The following DLGAP4 variants were observed in gnomAD, a reference collection of about 807,000 sequenced individuals.
DLGAP4 encodes the protein DLG associated protein 4, also known as disks large-associated protein 4.
DLGAP4 carries 18 observed loss-of-function variants against 86.9 expected under a neutral mutation model. The observed-to-expected ratio is 0.21, with a 90% CI of 0.14 to 0.31. The LOEUF is 0.31. Ranked by LOEUF, DLGAP4 falls within the 10% of genes least tolerant of loss-of-function variation. DLGAP4 has a pLI of 1.00. For missense variants in DLGAP4, 1,085 were observed against 1,362.6 expected (o/e 0.80, Z 3.21); for synonymous variants, 548 against 574.3 (o/e 0.95, Z 0.65).
chr20:36,356,297 T>TTTTG (rs140426624), intron 1 of DLGAP4, among the ~76,000 whole-genome samples: 6,132 of 151,990 alleles, frequency 0.04, 313 homozygotes, highest in African/African-American at 0.12. Context: ...GTTTCATTGT[T>TTTTG]TTTGTTTGTT....
At chr20:36,444,156 GA>G (rs2033528459) in intron 6 of DLGAP4, among the ~76,000 whole-genome samples, 1 of 152,160 alleles carries the variant, frequency 6.6e-6, no homozygotes, top group South Asian at 2.1e-4. Context: ...CCTTCTGAGT[GA>G]ATTTTGGATA....
At chr20:36,401,696 A>G (rs906429767) in intron 2 of DLGAP4, among the ~76,000 whole-genome samples, 10 of 152,214 alleles carry the variant, frequency 6.6e-5, no homozygotes, top group African/African-American at 2.4e-4. Context: ...CAATCTGGGA[A>G]GAGGGCAGCA....
At chr20:36,427,868 A>C (rs534440101) in intron 2 of DLGAP4, among the ~76,000 whole-genome samples, 1 of 150,730 alleles carries the variant, frequency 6.6e-6, no homozygotes, top group South Asian at 2.1e-4. Flanking sequence ...GCTGGAACCC[A>C]GGAGGCAGAG....
chr20:36,447,788 T>C (rs557995252), intron 7 of DLGAP4, among the ~76,000 whole-genome samples: 49 of 149,706 alleles, frequency 3.3e-4, no homozygotes, highest in African/African-American at 1.2e-3. Flanking sequence ...GGACCCTGTA[T>C]AACTGAGCAA....
At chr20:36,330,680 C>A (rs1555891443) in intron 1 of DLGAP4, among the ~76,000 whole-genome samples, 1 of 151,166 alleles carries the variant, frequency 6.6e-6, no homozygotes, top group Admixed American at 6.6e-5. Flanking sequence ...TCAAGCAATT[C>A]TCCTGCCTCA....
At chr20:36,373,449 T>C (rs2147427936) in intron 2 of DLGAP4, among the ~76,000 whole-genome samples, 1 of 152,334 alleles carries the variant, frequency 6.6e-6, no homozygotes, top group East Asian at 1.9e-4. Flanking sequence ...TTTGTCAAAT[T>C]TGTGGGATGT....
At position 36,436,159 on chromosome 20, in the gene DLGAP4, G is replaced by A; in HGVS notation, c.1050G>A (p.Glu350=). 6.3e-7 allele frequency: 1 copy of A among 1,596,352 alleles called. No individual in the cohort carries two copies. Among genetic ancestry groups the A allele is most frequent in the Non-Finnish European group, 8.5e-7 (1 of 1,177,122 alleles). Residue 350 remains glutamate (E), a synonymous_variant, in exon 4 of 13, where the codon GAG becomes GAA. Coordinates refer to ENST00000339266, the MANE Select transcript of DLGAP4 (RefSeq NM_001365621.2). The stretch of plus-strand genomic sequence containing the variant: ...GCACCACGCTGCTGTCCCCACGCGA[G>A]ACGGATGCCGCGGCCGAGGGCCCTA... ...EWSTTLLSPR[E]TDAAAEGPIP...
At chr20:36,410,305 G>A (rs2032462152) in intron 2 of DLGAP4, among the ~76,000 whole-genome samples, 1 of 152,154 alleles carries the variant, frequency 6.6e-6, no homozygotes, top group African/African-American at 2.4e-5. Flanking sequence ...GCACTGGGAG[G>A]GTGGAAGTGC....
chr20:36,315,650 AG>A (rs1467485045), intron 1 of DLGAP4, among the ~76,000 whole-genome samples: 2 of 152,130 alleles, frequency 1.3e-5, no homozygotes, highest in Non-Finnish European at 2.9e-5. Flanking sequence ...GAGGCCCTGC[AG>A]CAAGTAAGAG....
intron 2 of DLGAP4, among the ~76,000 whole-genome samples, chr20:36,424,174 G>C (rs764079933): frequency 3.3e-5 from 5 of 152,176 alleles, no homozygotes; most frequent in Non-Finnish European, 7.3e-5. Flanking sequence ...GACAGGTGAA[G>C]GGGACAGGAT....
In DLGAP4 at chr20:36,500,188, C is replaced by T. The variant is rs1379193902; in HGVS notation, c.2100-11C>T. 1.3e-6 allele frequency: 2 copies of T among 1,523,534 alleles called. No homozygotes were observed. Among genetic ancestry groups the T allele is most frequent in the Admixed American group, 4.2e-5 (2 of 47,932 alleles). The allele number at this position is 1,523,534 out of a possible 1,614,324, so 94.4% of individuals were successfully genotyped here. The stretch of plus-strand genomic sequence containing the variant: ...CTTCCTGTCCCCACCCCATCCACCC[C>T]CTACCCACAGAAGCAGCGTCCCCTC... On this transcript the variant is annotated splice_polypyrimidine_tract_variant and intron_variant, in intron 9 of 12. Transcript: ENST00000339266. The surrounding 1 kb of genome is among the most constrained non-coding windows in gnomAD (Gnocchi z 4.6).
At chr20:36,437,577 G>A (rs1448184707) in intron 4 of DLGAP4, among the ~76,000 whole-genome samples, 3 of 152,174 alleles carry the variant, frequency 2.0e-5, no homozygotes, top group African/African-American at 7.2e-5. Flanking sequence ...GACTTTTCCT[G>A]TCCCAGTGCC....
rs1192296548 is a variant in DLGAP4, at chr20:36,388,468, A to T, written c.-73+21193A>T. Among the ~76,000 whole-genome samples, 3 of 152,076 alleles carry T rather than the reference A, an allele frequency of 2.0e-5. No homozygotes were observed. The East Asian group carries it at 5.8e-4, about 29-fold the overall frequency. On this transcript the variant is annotated intron_variant, in intron 2 of 12. Coordinates refer to ENST00000339266, the MANE Select transcript of DLGAP4 (RefSeq NM_001365621.2). Reference sequence around the variant, plus strand: ...GTGGCCCACCCTTCATTGACCTCAGAGAGCAGACATTTCCCCTCCACCTCA... The same window carrying T: ...GTGGCCCACCCTTCATTGACCTCAGTGAGCAGACATTTCCCCTCCACCTCA...
intron 1 of DLGAP4, among the ~76,000 whole-genome samples, chr20:36,322,057 G>C (rs908747443): frequency 4.6e-5 from 7 of 152,214 alleles, no homozygotes; most frequent in African/African-American, 2.4e-5. Context: ...AGGTAAAACA[G>C]TGATGAGGCC....
chr20:36,336,284 C>G (rs1216142230), intron 1 of DLGAP4, among the ~76,000 whole-genome samples: 1 of 152,188 alleles, frequency 6.6e-6, no homozygotes, highest in African/African-American at 2.4e-5. Context: ...GATTTCCTCC[C>G]CTGACCAATA....
At chr20:36,354,072 G>A (rs2030248328) in intron 1 of DLGAP4, among the ~76,000 whole-genome samples, 1 of 152,234 alleles carries the variant, frequency 6.6e-6, no homozygotes, top group Non-Finnish European at 1.5e-5. Context: ...ATGGCCGTAG[G>A]AAGGACAGAG....
At chr20:36,494,440 TA>T (rs1304639172) in intron 7 of DLGAP4, among the ~76,000 whole-genome samples, 1 of 152,244 alleles carries the variant, frequency 6.6e-6, no homozygotes, top group East Asian at 1.9e-4. Context: ...TATTTTTAGA[TA>T]ATTGTAGATT....
intron 2 of DLGAP4, among the ~76,000 whole-genome samples, chr20:36,420,964 A>T (rs1315982837): frequency 6.6e-6 from 1 of 151,560 alleles, no homozygotes; most frequent in Non-Finnish European, 1.5e-5. Flanking sequence ...CAAGAGCGAA[A>T]ACTCTGTCTC....
intron 5 of DLGAP4, among the ~76,000 whole-genome samples, chr20:36,440,113 C>A (rs1258832824): frequency 6.6e-6 from 1 of 152,182 alleles, no homozygotes; most frequent in Admixed American, 6.5e-5. Flanking sequence ...ACACAGGCTG[C>A]CAGCGGGGCG....
Sources: allele counts gnomAD v4.1 joint callset (sites outside exome capture counted in the v4.1 genomes callset), GRCh38; gene constraint gnomAD v4.1.1; non-coding constraint Gnocchi (gnomAD v3.1); transcripts MANE v1.5; gene names NCBI Gene and HGNC (gene_info 2026-07-23, HGNC 2026-07-21).